Variants in PDZRN4 observed in about 807,000 individuals in gnomAD.
PDZRN4 encodes PDZ domain-containing RING finger protein 4.
PDZRN4 carries 70 observed loss-of-function variants against 99.0 expected under a neutral mutation model. That is an observed-to-expected ratio of 0.71 (90% CI 0.58 to 0.86). The LOEUF (loss-of-function observed/expected upper bound fraction) is 0.86, where lower values mean the gene tolerates loss of function less well. PDZRN4 is among the 40% of genes least tolerant of loss of function. The pLI, the probability that PDZRN4 is intolerant of heterozygous loss-of-function variation, is 0.00. For synonymous variants in PDZRN4, 551 were observed against 501.6 expected (o/e 1.10, Z -1.32); for missense variants, 1,474 against 1,331.2 (o/e 1.11, Z -1.67).
At chr12:41,209,916 C>T (rs1400417610) in intron 3 of PDZRN4, among the ~76,000 whole-genome samples, 6 of 148,374 alleles carry the variant, frequency 4.0e-5, no homozygotes, top group Admixed American at 1.4e-4. Context: ...CCTGAGGAAT[C>T]ACCACACTGA....
chr12:41,419,047 G>A (rs1178099098), intron 3 of PDZRN4, among the ~76,000 whole-genome samples: 1 of 152,164 alleles, frequency 6.6e-6, no homozygotes, highest in Non-Finnish European at 1.5e-5. Flanking sequence ...GTGCTAATTT[G>A]TATTATTTTC....
At chr12:41,383,332 G>A (rs536997895) in intron 3 of PDZRN4, among the ~76,000 whole-genome samples, 15 of 152,190 alleles carry the variant, frequency 9.9e-5, no homozygotes, top group Admixed American at 9.8e-4. Context: ...GAGAAAGAAG[G>A]CAGAAAATCC....
At chr12:41,342,054 C>G (rs1358185399) in intron 3 of PDZRN4, among the ~76,000 whole-genome samples, 3 of 151,888 alleles carry the variant, frequency 2.0e-5, no homozygotes, top group Admixed American at 6.6e-5. Context: ...TACACACTTA[C>G]AGCCAACTGA....
At chr12:41,203,493 G>T (rs1166413267) in intron 3 of PDZRN4, among the ~76,000 whole-genome samples, 5 of 151,962 alleles carry the variant, frequency 3.3e-5, no homozygotes, top group Non-Finnish European at 5.9e-5. Context: ...CCATTTGGTC[G>T]ATTAACCTGA....
At chr12:41,571,356 TCTCTCTCTCTCTCTCTCTCTCACA>T (rs1565619009) in intron 9 of PDZRN4, among the ~76,000 whole-genome samples, 1 of 94,672 alleles carries the variant, frequency 1.1e-5, no homozygotes, top group Non-Finnish European at 2.0e-5. Context: ...TCTCTCTCTC[TCTCTCTCTCTCTCTCTCTCTCACA>T]CACACACACA....
chr12:41,411,982 T>A (rs1368661590), intron 3 of PDZRN4: 2 of 152,164 alleles, frequency 1.3e-5, no homozygotes, highest in Non-Finnish European at 2.9e-5. Flanking sequence ...TGCTATACAT[T>A]TATATATGAT....
At chr12:41,285,845 C>T (rs530540418) in intron 3 of PDZRN4, among the ~76,000 whole-genome samples, 11 of 150,656 alleles carry the variant, frequency 7.3e-5, no homozygotes, top group African/African-American at 2.4e-4. Context: ...ACAGTGGGGC[C>T]TGTCAGGGGG....
At chr12:41,253,211 G>C (rs970412744) in intron 3 of PDZRN4, among the ~76,000 whole-genome samples, 2 of 151,954 alleles carry the variant, frequency 1.3e-5, no homozygotes, top group Admixed American at 1.3e-4. Flanking sequence ...GGTTGCCTGT[G>C]CTTTTGAAGT....
Position 41,283,246 on chromosome 12 carries a change from T to A in PDZRN4, c.843+89058T>A, listed in dbSNP as rs182392845. Among the ~76,000 whole-genome samples the A allele has an allele frequency of 2.8e-3, 426 of 152,068 alleles. 3 individuals carry two copies. Among genetic ancestry groups the A allele is most frequent in the African/African-American group, 9.4e-3 (389 of 41,470 alleles). ...GAATATTATAACACTTCTGTGCAAA[T>A]AAACTAGAAAATCTGGAAGAATGGA... On this transcript the variant is annotated intron_variant, in intron 3 of 9. Coordinates refer to ENST00000402685, the MANE Select transcript of PDZRN4 (RefSeq NM_001164595.2).
At chr12:41,562,646 A>G (rs977096520) in intron 7 of PDZRN4, among the ~76,000 whole-genome samples, 1 of 152,054 alleles carries the variant, frequency 6.6e-6, no homozygotes. Context: ...CAAAGGAAAA[A>G]GTTTTATTAA....
At chr12:41,416,004 A>G (rs1403680559) in intron 3 of PDZRN4, among the ~76,000 whole-genome samples, 13 of 152,208 alleles carry the variant, frequency 8.5e-5, no homozygotes, top group Admixed American at 6.5e-4. Context: ...AAGCAAAACC[A>G]TATTTCAGTT....
chr12:41,374,965 C>CTCTCTT (rs1259980681), intron 3 of PDZRN4, among the ~76,000 whole-genome samples: 13 of 152,180 alleles, frequency 8.5e-5, no homozygotes, highest in African/African-American at 1.7e-4. Context: ...TTTGTGCTCT[C>CTCTCTT]TCTCTTTCTC....
At chr12:41,443,500 TG>T (rs558345509) in intron 3 of PDZRN4, among the ~76,000 whole-genome samples, 11 of 152,116 alleles carry the variant, frequency 7.2e-5, no homozygotes, top group Non-Finnish European at 1.3e-4. Context: ...TCCAATTTTC[TG>T]TTCATTTTTT....
At chr12:41,478,883 AAC>A (rs1306801277) in intron 3 of PDZRN4, among the ~76,000 whole-genome samples, 2 of 152,180 alleles carry the variant, frequency 1.3e-5, no homozygotes, top group African/African-American at 2.4e-5. Flanking sequence ...TTACTTCAGA[AAC>A]ACACATAAAA....
intron 3 of PDZRN4, among the ~76,000 whole-genome samples, chr12:41,477,600 ATCAGCAAAAGGT>A (rs2120588230): frequency 6.6e-6 from 1 of 152,344 alleles, no homozygotes; most frequent in Admixed American, 6.5e-5. Context: ...GGTAGCAGCC[ATCAGCAAAAGGT>A]TCTTTTTACT....
chr12:41,337,034 C>T (rs1297275438), intron 3 of PDZRN4, among the ~76,000 whole-genome samples: 1 of 152,098 alleles, frequency 6.6e-6, no homozygotes, highest in African/African-American at 2.4e-5. Context: ...ACTGTTAGTC[C>T]TGCAAAGGCA....
chr12:41,512,051 T>G (rs1938315314), intron 5 of PDZRN4, among the ~76,000 whole-genome samples: 1 of 151,720 alleles, frequency 6.6e-6, no homozygotes, highest in African/African-American at 2.4e-5. Flanking sequence ...CACAGGAAAG[T>G]GAGGTTTAAT....
At chr12:41,193,190 G>A (rs759279195) in intron 2 of PDZRN4, among the ~76,000 whole-genome samples, 13 of 151,970 alleles carry the variant, frequency 8.6e-5, no homozygotes, top group South Asian at 4.2e-4. Context: ...TAGCATTTTC[G>A]TTATCATTTT....
chr12:41,203,378 G>A (rs983968061), intron 3 of PDZRN4, among the ~76,000 whole-genome samples: 5 of 152,016 alleles, frequency 3.3e-5, no homozygotes, highest in African/African-American at 1.2e-4. Context: ...GGAAAAGTCA[G>A]AGAGGGATTA....
Sources: allele counts gnomAD v4.1 joint callset (sites outside exome capture counted in the v4.1 genomes callset), GRCh38; gene constraint gnomAD v4.1.1; transcripts MANE v1.5; gene names NCBI Gene and HGNC (gene_info 2026-07-23, HGNC 2026-07-21).